HYDIN: variants seen among roughly 807,000 people sequenced by gnomAD.
HYDIN encodes axonemal central pair apparatus protein HYDIN.
A neutral mutation model predicts 403.9 loss-of-function variants in HYDIN; 132 were observed. The observed-to-expected ratio is 0.33, with a 90% confidence interval of 0.28 to 0.38. The LOEUF (loss-of-function observed/expected upper bound fraction) is 0.38. Ranked by LOEUF, HYDIN falls within the 10% of genes least tolerant of loss-of-function variation. HYDIN has a pLI of 1.00. For missense variants in HYDIN, 2,827 were observed against 5,009.5 expected (o/e 0.56, Z 13.15); for synonymous variants, 1,202 against 1,891.7 (o/e 0.64, Z 9.46).
chr16:70,978,491 G>A (rs925132960), intron 30 of HYDIN, among the ~76,000 whole-genome samples: 3 of 151,436 alleles, frequency 2.0e-5, no homozygotes, highest in East Asian at 1.9e-4. Context: ...ACTGCACCTG[G>A]CCCTCCGTCA....
At chr16:70,979,570 C>T (rs891855816) in intron 29 of HYDIN, among the ~76,000 whole-genome samples, 2 of 152,174 alleles carry the variant, frequency 1.3e-5, no homozygotes, top group South Asian at 2.1e-4. Flanking sequence ...GATTCCCACC[C>T]GAATTTACCA....
chr16:71,020,278 C>A lies in HYDIN; in HGVS notation c.3226G>T (p.Ala1076Ser). The change falls in exon 22 of 86, where the codon GCC (alanine) becomes TCC (serine). Residue 1076 changes from alanine to serine, a missense_variant. By Grantham distance (99) the Ala-to-Ser change is moderately conservative. Transcript: ENST00000393567. ...GGCAGGGTGGAAATGTTCTTTATGG[C>A]CAAGGGCTGGTAATCAGGTTTCAGG... ...SILKPDYQPL[A>S]IKNISTLPVN... is the part of the protein sequence containing the mutation. The A allele has an allele frequency of 1.2e-6, 2 of 1,613,958 alleles. No individual in the cohort carries two copies. The highest frequency in any genetic ancestry group is 8.5e-7 in the Non-Finnish European group (1 of 1,179,972).
intron 23 of HYDIN, among the ~76,000 whole-genome samples, chr16:70,996,587 C>T (rs1481537054): frequency 2.6e-5 from 4 of 152,012 alleles, no homozygotes; most frequent in African/African-American, 7.2e-5. Flanking sequence ...CCCATGGTGC[C>T]AGGGTCATAG....
chr16:71,066,664 A>G, intron 15 of HYDIN: 1 of 349,494 alleles, frequency 2.9e-6, no homozygotes, highest in Non-Finnish European at 5.7e-6. Flanking sequence ...CATCAGCAGT[A>G]CTGCAATGAC....
intron 42 of HYDIN, among the ~76,000 whole-genome samples, chr16:70,942,522 C>T (rs2077712279): frequency 1.3e-5 from 2 of 152,344 alleles, no homozygotes; most frequent in South Asian, 2.1e-4. Flanking sequence ...ATTAGTCTTA[C>T]TGCCTTGGAG....
chr16:70,866,114 A>G lies in HYDIN; in HGVS notation c.11471+55T>C, dbSNP rs561581920. On this transcript the variant is annotated intron_variant, in intron 67 of 85. Coordinates refer to ENST00000393567, the MANE Select transcript of HYDIN (RefSeq NM_001270974.2). ...AGACGTTTGATGAGTGAGTGAGTGA[A>G]TGATGGAATGAAAGAGCTTTTCCAT... The G allele has an allele frequency of 2.1e-4, 289 of 1,356,284 alleles. 2 individuals carry two copies. In the East Asian group the frequency reaches 6.3e-3, roughly 29 times the overall value. 84.0% of individuals were successfully genotyped at this position (1,356,284 alleles called of 1,614,324 possible). A position where few individuals can be genotyped will look rare whatever the true frequency, so the allele number is the denominator to read the frequency against.
At chr16:71,214,509 G>A (rs2088769819) in intron 1 of HYDIN, among the ~76,000 whole-genome samples, 1 of 152,038 alleles carries the variant, frequency 6.6e-6, no homozygotes, top group South Asian at 2.1e-4. Context: ...CATCCTTTAG[G>A]CCCACCAATA....
Position 70,896,117 on chromosome 16 carries a change from A to G in HYDIN, c.9049-37T>C, listed in dbSNP as rs767893081. 6 of 1,610,636 alleles carry G rather than the reference A, an allele frequency of 3.7e-6. No individual in the cohort carries two copies. The South Asian group carries it at 6.6e-5, about 18-fold the overall frequency. ...AGGGAAAGTCTTCAGTAAAAGCAAG[A>G]CCTATAGGTGCTTGGAGCCTGAAAC... On this transcript the variant is annotated intron_variant, in intron 53 of 85. Transcript: ENST00000393567.
intron 50 of HYDIN, among the ~76,000 whole-genome samples, chr16:70,906,205 C>G (rs1050490773): frequency 6.6e-6 from 1 of 152,086 alleles, no homozygotes; most frequent in African/African-American, 2.4e-5. Context: ...CTGTGGGTCC[C>G]CAATTCTGCC....
chr16:71,047,998 C>G (rs932238427), intron 18 of HYDIN, among the ~76,000 whole-genome samples: 46 of 147,976 alleles, frequency 3.1e-4, no homozygotes, highest in African/African-American at 1.1e-3. Flanking sequence ...CACCTCCCCT[C>G]TACCCTTCTT....
chr16:71,217,876 C>T (rs1158872272), intron 1 of HYDIN, among the ~76,000 whole-genome samples: 3 of 152,154 alleles, frequency 2.0e-5, no homozygotes, highest in Admixed American at 1.3e-4. Context: ...GGACCACTGG[C>T]CACAAAGCCA....
At chr16:71,042,945 CCT>C (rs1238071956) in intron 18 of HYDIN, among the ~76,000 whole-genome samples, 1 of 151,230 alleles carries the variant, frequency 6.6e-6, no homozygotes, top group African/African-American at 2.4e-5. Flanking sequence ...TGAATCCGCG[CCT>C]TCCTAACTGT....
chr16:71,169,541 T>C (rs1299452839), intron 5 of HYDIN, among the ~76,000 whole-genome samples: 4 of 152,252 alleles, frequency 2.6e-5, no homozygotes. Flanking sequence ...ACTGAGGCAA[T>C]TATGCTAAGT....
intron 78 of HYDIN, among the ~76,000 whole-genome samples, chr16:70,835,245 C>G (rs1439509266): frequency 2.0e-5 from 3 of 151,900 alleles, no homozygotes; most frequent in Non-Finnish European, 4.4e-5. Flanking sequence ...ATCCACCTGC[C>G]TCAGCCTCCC....
At chr16:71,106,245 T>C (rs1341312492) in intron 10 of HYDIN, among the ~76,000 whole-genome samples, 3 of 152,022 alleles carry the variant, frequency 2.0e-5, no homozygotes, top group Admixed American at 6.6e-5. Flanking sequence ...CTTCATGTTC[T>C]TGCTATGTAT....
chr16:71,212,366 A>G (rs2088638698), intron 1 of HYDIN, among the ~76,000 whole-genome samples: 2 of 152,212 alleles, frequency 1.3e-5, no homozygotes, highest in Admixed American at 1.3e-4. Flanking sequence ...AAAGAGAACC[A>G]CGAGCAAATG....
intron 53 of HYDIN, among the ~76,000 whole-genome samples, chr16:70,899,904 G>T: frequency 6.6e-6 from 1 of 151,386 alleles, no homozygotes; most frequent in Admixed American, 6.5e-5. Context: ...CAGTGCGTGG[G>T]AGCCAATGAT....
intron 20 of HYDIN, chr16:71,027,324 G>A (rs879009059): frequency 7.5e-7 from 1 of 1,341,752 alleles, no homozygotes; most frequent in African/African-American, 1.5e-5. Flanking sequence ...AAAACTGGGT[G>A]TTTTTCTACC....
rs373778348 is a variant in HYDIN, at chr16:70,943,869, C to G, written c.6612G>C (p.Leu2204=). 5.1e-5 allele frequency: 83 copies of G among 1,613,602 alleles called. 1 individual carries two copies. In the South Asian group the frequency reaches 7.6e-4, roughly 15 times the overall value. The change falls in exon 42 of 86, where the codon CTG becomes CTC. Residue 2204 remains leucine, a synonymous_variant. Transcript: ENST00000393567. ...GTTCATCCGGGAGCACACAGCTCAT[C>G]AGCCCGGTCTCGCCTCCGACACTGG... ...VSPSVGGETG[L]MSCVLPDELL...
Sources: gnomAD v4.1 joint callset for allele counts (sites outside exome capture counted in the v4.1 genomes callset) on GRCh38, gnomAD v4.1.1 for gene constraint, MANE v1.5 for transcripts, NCBI Gene and HGNC (gene_info 2026-07-23, HGNC 2026-07-21) for gene names.